KHDC4: variants seen among roughly 807,000 people sequenced by gnomAD.
KHDC4 encodes the protein KH homology domain-containing protein 4.
In KHDC4, 19 loss-of-function variants were observed where a neutral mutation model predicts 74.5. The ratio of observed to expected loss-of-function variants is 0.26; its 90% CI spans 0.18 to 0.37. The LOEUF is 0.37. Among genes scored for constraint, KHDC4 ranks in the 10% least tolerant of loss-of-function variants. The pLI is 1.00. For synonymous variants in KHDC4, 253 were observed against 266.1 expected, an observed-to-expected ratio of 0.95 and a Z score of 0.48; for missense variants, 632 against 754.1, an observed-to-expected ratio of 0.84 and a Z score of 1.90.
chr1:155,929,654 GTCT>G, intron 3 of KHDC4, 55 bp downstream of exon 3: 1 of 1,565,210 alleles, frequency 6.4e-7, no homozygotes, highest in South Asian at 1.2e-5. Context: ...CTATTTAGAG[GTCT>G]TCTTTATCTG....
intron 6 of KHDC4, 33 bp downstream of exon 6, chr1:155,926,643 T>C (rs1325085725): frequency 6.2e-7 from 1 of 1,606,360 alleles, no homozygotes; most frequent in Non-Finnish European, 8.5e-7. Context: ...ATAGAAATGA[T>C]AATGCTATTA....
chr1:155,917,672 T>C lies in KHDC4; in HGVS notation c.1267A>G (p.Ser423Gly). 1 of 1,526,992 alleles carries C rather than the reference T, an allele frequency of 6.5e-7. No homozygotes were observed. The highest frequency in any genetic ancestry group is 8.7e-7 in the Non-Finnish European group (1 of 1,143,076). 94.6% of individuals were successfully genotyped at this position (1,526,992 alleles called of 1,614,324 possible). A position where few individuals can be genotyped will look rare whatever the true frequency, so the allele number is the denominator to read the frequency against. The change falls in exon 11 of 14, where the codon AGT becomes GGT. Residue 423 changes from serine (S) to glycine (G), a missense_variant and splice_region_variant. Ser to Gly is a moderately conservative substitution (Grantham distance 56, BLOSUM62 0). Coordinates refer to ENST00000368321, the MANE Select transcript of KHDC4 (RefSeq NM_014949.4). ...QVQPPASTGQ[S>G]PMGGPFIPAA... is the part of the protein sequence containing the mutation. ...GGAATAAAAGGACCACCCATCGGAC[T>C]CTGGGACCAAAACAAACCAAGGAAG...
At chr1:155,921,959 A>G in intron 8 of KHDC4, 41 bp from the exon 9 acceptor site, 1 of 1,321,224 alleles carries the variant, frequency 7.6e-7, no homozygotes, top group Non-Finnish European at 1.1e-6. Flanking sequence ...GGACAGCCGA[A>G]GCTGTGCATT....
chr1:155,921,688 A>C, intron 9 of KHDC4, 60 bp from the exon 10 acceptor site: 1 of 1,568,628 alleles, frequency 6.4e-7, no homozygotes, highest in Non-Finnish European at 8.7e-7. Context: ...ATTTAGCTGA[A>C]TATTAAACTT....
chr1:155,914,340 A>C lies in KHDC4; in HGVS notation c.1646-20T>G, dbSNP rs760909187. Reference sequence around the variant, plus strand: ...GATAATCTAGAATAGAGAAAAAACAACCCCAACCCCATCCCCGCCAAGGGA... The same window carrying C: ...GATAATCTAGAATAGAGAAAAAACACCCCCAACCCCATCCCCGCCAAGGGA... On this transcript the variant is annotated intron_variant, in intron 13 of 13. Transcript: ENST00000368321. 3 of 1,557,854 alleles carry C rather than the reference A, an allele frequency of 1.9e-6. No individual in the cohort carries two copies. The highest frequency in any genetic ancestry group is 2.6e-6 in the Non-Finnish European group (3 of 1,134,666).
At chr1:155,927,517 G>A (rs1557970466) in intron 4 of KHDC4, among the ~76,000 whole-genome samples, 2 of 151,950 alleles carry the variant, frequency 1.3e-5, no homozygotes, top group Non-Finnish European at 2.9e-5. Context: ...CCAAATCAAT[G>A]GGGCAAGCTG....
chr1:155,934,255 C>T, intron 1 of KHDC4, 81 bp downstream of exon 1: 2 of 1,432,270 alleles, frequency 1.4e-6, no homozygotes, highest in Non-Finnish European at 9.6e-7. Context: ...ACCCTTCCAC[C>T]CTATACGCAG....
chr1:155,924,873 T>G (rs1673950897), intron 7 of KHDC4, among the ~76,000 whole-genome samples: 1 of 149,664 alleles, frequency 6.7e-6, no homozygotes, highest in African/African-American at 2.5e-5. Flanking sequence ...CGCACCTGGT[T>G]TTTTTTTTAA....
intron 4 of KHDC4, 61 bp from the exon 5 acceptor site, chr1:155,927,217 T>C: frequency 8.0e-7 from 1 of 1,246,340 alleles, no homozygotes; most frequent in East Asian, 2.3e-5. Context: ...AGGAGTCAAA[T>C]GGGTCACCAG....
At chr1:155,922,434 C>G (rs974720656) in intron 8 of KHDC4, among the ~76,000 whole-genome samples, 1 of 152,142 alleles carries the variant, frequency 6.6e-6, no homozygotes, top group Non-Finnish European at 1.5e-5. Context: ...CATGAGCCAC[C>G]GTGTCCAACC....
intron 8 of KHDC4, among the ~76,000 whole-genome samples, chr1:155,922,858 A>G (rs1272862022): frequency 6.6e-6 from 1 of 152,224 alleles, no homozygotes; most frequent in Non-Finnish European, 1.5e-5. Context: ...AAGGCACCAG[A>G]GAACACAAGG....
intron 10 of KHDC4, 109 bp from the exon 11 acceptor site, chr1:155,917,781 G>C (rs977454443): frequency 3.3e-6 from 3 of 912,000 alleles, no homozygotes; most frequent in South Asian, 1.9e-5. Context: ...TATGAATTTT[G>C]CATCTTCAGG....
At chr1:155,921,165 C>G in intron 10 of KHDC4, 1 of 582,658 alleles carries the variant, frequency 1.7e-6, no homozygotes, top group East Asian at 2.9e-5. Flanking sequence ...ATTTGGTGTG[C>G]AAGACTTGTG....
At chr1:155,919,446 C>T (rs1673803924) in intron 10 of KHDC4, among the ~76,000 whole-genome samples, 1 of 152,102 alleles carries the variant, frequency 6.6e-6, no homozygotes, top group Non-Finnish European at 1.5e-5. Flanking sequence ...AAGTCCGAGG[C>T]TGCGGATCAC....
At chr1:155,927,286 G>C in intron 4 of KHDC4, 130 bp from the exon 5 acceptor site, 1 of 659,896 alleles carries the variant, frequency 1.5e-6, no homozygotes, top group Non-Finnish European at 2.7e-6. Flanking sequence ...TACATTAGAA[G>C]GGTTTTTGCT....
chr1:155,917,710 AGAATGCCCAAG>A, intron 10 of KHDC4, 38 bp from the exon 11 acceptor site: 2 of 1,411,740 alleles, frequency 1.4e-6, no homozygotes, highest in Non-Finnish European at 9.4e-7. Context: ...AAAAAGTGTG[AGAATGCCCAAG>A]GAATAAGTAA....
rs1673667734 is a variant in KHDC4, at chr1:155,913,295, A to AT, written c.*825dup. 1 of 152,718 alleles carries AT rather than the reference A, an allele frequency of 6.5e-6. No homozygotes were observed. Among genetic ancestry groups the AT allele is most frequent in the Admixed American group, 6.5e-5 (1 of 15,284 alleles). The allele number at this position is 152,718 out of a possible 1,614,324, so 9.5% of individuals were successfully genotyped here. A position where few individuals can be genotyped will look rare whatever the true frequency, so the allele number is the denominator to read the frequency against. On this transcript the variant is annotated 3_prime_UTR_variant, in exon 14 of 14. Transcript: ENST00000368321. The stretch of plus-strand genomic sequence containing the variant: ...AAAAGGACAATTTGCAATTTCAGTC[A>AT]TTAAGTCCAAAATCCTATAGCCAGC...
intron 10 of KHDC4, among the ~76,000 whole-genome samples, chr1:155,918,130 G>A (rs1164297534): frequency 6.6e-6 from 1 of 152,196 alleles, no homozygotes; most frequent in African/African-American, 2.4e-5. Context: ...TTCCAAAAAG[G>A]AATAAGGGGT....
intron 10 of KHDC4, among the ~76,000 whole-genome samples, chr1:155,920,779 C>T (rs958519490): frequency 2.6e-5 from 4 of 152,146 alleles, no homozygotes; most frequent in Non-Finnish European, 5.9e-5. Flanking sequence ...AATCCTGCCT[C>T]GGCCTCCCCA....
Sources: gnomAD v4.1 joint callset for allele counts (sites outside exome capture counted in the v4.1 genomes callset) on GRCh38, gnomAD v4.1.1 for gene constraint, MANE v1.5 for transcripts, NCBI Gene and HGNC (gene_info 2026-07-23, HGNC 2026-07-21) for gene names.